RSRC1: variants seen among roughly 807,000 people sequenced by gnomAD.
RSRC1 encodes the protein arginine and serine rich coiled-coil 1.
RSRC1 carries 39 observed loss-of-function variants against 49.1 expected under a neutral mutation model. The ratio of observed to expected loss-of-function variants is 0.79; its 90% CI spans 0.61 to 1.04. The LOEUF (loss-of-function observed/expected upper bound fraction) is 1.04. Ranked by LOEUF, RSRC1 falls within the 50% of genes least tolerant of loss-of-function variation. The probability of loss-of-function intolerance (pLI) is 0.00; values close to 1 mark genes in which losing one functional copy is unlikely to be tolerated. For synonymous variants in RSRC1, 143 were observed against 130.8 expected, an observed-to-expected ratio of 1.09 and a Z score of -0.63; for missense variants, 388 against 402.4, an observed-to-expected ratio of 0.96 and a Z score of 0.31.
At chr3:158,496,737 G>T (rs754178550) in intron 7 of RSRC1, 2 of 290,026 alleles carry the variant, frequency 6.9e-6, no homozygotes, top group Non-Finnish European at 1.5e-5. Context: ...ATGTCATGTT[G>T]GTGGTGGCCC....
chr3:158,205,201 G>A (rs1721279935), intron 4 of RSRC1, among the ~76,000 whole-genome samples: 1 of 152,134 alleles, frequency 6.6e-6, no homozygotes, highest in Non-Finnish European at 1.5e-5. Context: ...TCTGCATTAT[G>A]GTTTTAGTGG....
intron 5 of RSRC1, among the ~76,000 whole-genome samples, chr3:158,334,882 T>A (rs1054379603): frequency 6.6e-6 from 1 of 152,126 alleles, no homozygotes; most frequent in Non-Finnish European, 1.5e-5. Context: ...TACAAATACA[T>A]TGTGATTTGG....
intron 7 of RSRC1, among the ~76,000 whole-genome samples, chr3:158,484,621 G>T (rs1368256824): frequency 2.6e-5 from 4 of 152,022 alleles, no homozygotes; most frequent in African/African-American, 9.7e-5. Context: ...TTCTCTGGCA[G>T]CAGTATATTT....
intron 6 of RSRC1, among the ~76,000 whole-genome samples, chr3:158,373,551 A>G (rs1732192982): frequency 6.6e-6 from 1 of 151,984 alleles, no homozygotes; most frequent in Non-Finnish European, 1.5e-5. Context: ...CAAATGTTAA[A>G]ACAATCTTAC....
At chr3:158,471,610 T>C (rs1738137699) in intron 7 of RSRC1, among the ~76,000 whole-genome samples, 2 of 152,114 alleles carry the variant, frequency 1.3e-5, no homozygotes, top group African/African-American at 4.8e-5. Context: ...AAAAATACCT[T>C]TATAATTTTA....
chr3:158,176,572 C>T (rs1028103649), intron 3 of RSRC1, among the ~76,000 whole-genome samples: 6 of 152,242 alleles, frequency 3.9e-5, no homozygotes, highest in Admixed American at 3.9e-4. Context: ...ATAAATGGTG[C>T]TGGGAAAACT....
At chr3:158,521,626 G>T (rs1354471695) in intron 7 of RSRC1, among the ~76,000 whole-genome samples, 1 of 152,110 alleles carries the variant, frequency 6.6e-6, no homozygotes, top group Non-Finnish European at 1.5e-5. Context: ...TAGTTGTGAA[G>T]CTAGAACTTA....
intron 4 of RSRC1, among the ~76,000 whole-genome samples, chr3:158,213,189 A>G (rs1215502993): frequency 6.6e-6 from 1 of 151,970 alleles, no homozygotes; most frequent in Non-Finnish European, 1.5e-5. Context: ...TGGTTTAAAT[A>G]TTCTTAATAT....
chr3:158,436,966 G>A (rs1052312500), intron 6 of RSRC1, among the ~76,000 whole-genome samples: 3 of 151,854 alleles, frequency 2.0e-5, no homozygotes, highest in East Asian at 1.9e-4. Flanking sequence ...GATTCAAACC[G>A]AGACAGTCTG....
chr3:158,331,558 C>G (rs1446990816), intron 5 of RSRC1, among the ~76,000 whole-genome samples: 2 of 151,894 alleles, frequency 1.3e-5, no homozygotes, highest in Non-Finnish European at 2.9e-5. Flanking sequence ...ATGATTTCTT[C>G]TGTTACTTCT....
chr3:158,347,959 G>C (rs756046479), intron 5 of RSRC1, among the ~76,000 whole-genome samples: 1 of 152,176 alleles, frequency 6.6e-6, no homozygotes, highest in Non-Finnish European at 1.5e-5. Flanking sequence ...ATATAGGCAT[G>C]CAGTGCTTAA....
At chr3:158,111,155 C>G (rs913346022) in intron 1 of RSRC1, among the ~76,000 whole-genome samples, 3 of 152,120 alleles carry the variant, frequency 2.0e-5, no homozygotes, top group Non-Finnish European at 4.4e-5. Flanking sequence ...AAGCAGAGTT[C>G]CCAGGTTTAA....
At chr3:158,359,418 A>G (rs1009215771) in intron 6 of RSRC1, among the ~76,000 whole-genome samples, 2 of 152,128 alleles carry the variant, frequency 1.3e-5, no homozygotes, top group Non-Finnish European at 2.9e-5. Context: ...ATTTTTGTAG[A>G]CACCACTGCT....
At chr3:158,238,796 C>T (rs925594070) in intron 4 of RSRC1, among the ~76,000 whole-genome samples, 13 of 152,130 alleles carry the variant, frequency 8.5e-5, no homozygotes, top group Non-Finnish European at 1.9e-4. Context: ...CCATCCAGGA[C>T]ATAGGCATGG....
At chr3:158,178,648 T>C (rs1719399337) in intron 3 of RSRC1, among the ~76,000 whole-genome samples, 1 of 152,194 alleles carries the variant, frequency 6.6e-6, no homozygotes, top group Admixed American at 6.5e-5. Flanking sequence ...TGTTTATTTT[T>C]CTATATGAAT....
At chr3:158,424,429 C>T (rs1200202633) in intron 6 of RSRC1, among the ~76,000 whole-genome samples, 2 of 151,234 alleles carry the variant, frequency 1.3e-5, no homozygotes, top group Non-Finnish European at 3.0e-5. Context: ...GGGATGAAGC[C>T]CACTTGATCA....
At chr3:158,316,142 A>G (rs1728426556) in intron 5 of RSRC1, among the ~76,000 whole-genome samples, 1 of 151,928 alleles carries the variant, frequency 6.6e-6, no homozygotes, top group African/African-American at 2.4e-5. Flanking sequence ...ACAGCACGCC[A>G]GCCTGGACAA....
At chr3:158,501,481 G>A (rs1183263772) in intron 7 of RSRC1, among the ~76,000 whole-genome samples, 1 of 152,136 alleles carries the variant, frequency 6.6e-6, no homozygotes, top group South Asian at 2.1e-4. Flanking sequence ...CTATTATTGT[G>A]TTGCTGTCTA....
At chr3:158,411,697 A>G (rs1490795733) in intron 6 of RSRC1, among the ~76,000 whole-genome samples, 1 of 151,666 alleles carries the variant, frequency 6.6e-6, no homozygotes, top group Non-Finnish European at 1.5e-5. Context: ...TTTAATTTAT[A>G]TTTCTCCAGT....
Sources: gnomAD v4.1 joint callset for allele counts (sites outside exome capture counted in the v4.1 genomes callset) on GRCh38, gnomAD v4.1.1 for gene constraint, MANE v1.5 for transcripts, NCBI Gene and HGNC (gene_info 2026-07-23, HGNC 2026-07-21) for gene names.